ZNF423: variants seen among roughly 807,000 people sequenced by gnomAD.
ZNF423 encodes Ebf-associated zinc finger protein.
A neutral mutation model predicts 95.8 loss-of-function variants in ZNF423; 12 were observed. The ratio of observed to expected loss-of-function variants is 0.13; its 90% CI spans 0.08 to 0.20. The LOEUF (loss-of-function observed/expected upper bound fraction) is 0.20, where lower values mean the gene tolerates loss of function less well. Ranked by LOEUF, ZNF423 falls within the 10% of genes least tolerant of loss-of-function variation. The probability of loss-of-function intolerance (pLI) is 1.00; values close to 1 mark genes in which losing one functional copy is unlikely to be tolerated. For missense variants in ZNF423, 1,316 were observed against 1,737.1 expected (o/e 0.76, Z 4.31); for synonymous variants, 749 against 711.9 (o/e 1.05, Z -0.83).
chr16:49,755,026 G>A lies in ZNF423; in HGVS notation c.101-24055C>T, dbSNP rs1274126111. ...GTCCGCCGGTGCGGCTATCTTCCGCGGTGGCAGCGGCACGCTCTCCCCTGC... is the reference window on the plus strand; with the variant it reads ...GTCCGCCGGTGCGGCTATCTTCCGCAGTGGCAGCGGCACGCTCTCCCCTGC... On this transcript the variant is annotated intron_variant, in intron 2 of 7. Coordinates refer to ENST00000563137, the MANE Select transcript of ZNF423 (RefSeq NM_001379286.1). Among the ~76,000 whole-genome samples the A allele has an allele frequency of 5.9e-5, 9 of 152,336 alleles. No individual in the cohort carries two copies. The East Asian group carries it at 1.4e-3, about 23-fold the overall frequency.
In ZNF423 at chr16:49,636,434, C is replaced by T; in HGVS notation, c.2742G>A (p.Leu914=). 3 of 1,613,446 alleles carry T rather than the reference C, an allele frequency of 1.9e-6. No individual in the cohort carries two copies. The highest frequency in any genetic ancestry group is 2.5e-6 in the Non-Finnish European group (3 of 1,180,038). The change falls in exon 4 of 8, where the codon CTG becomes CTA. Residue 914 remains leucine (L), a synonymous_variant. Coordinates refer to ENST00000563137, the MANE Select transcript of ZNF423 (RefSeq NM_001379286.1). This position sits in a 1 kb window ranked among gnomAD's most constrained non-coding sequence, Gnocchi z 8.6. ...TMEVLLQNHR[L]RDHNIRPGED... ...CGCCCGGCCGGATATTGTGGTCCCG[C>T]AGCCGGTGATTCTGCAGCAGCACCT...
intron 3 of ZNF423, among the ~76,000 whole-genome samples, chr16:49,729,816 T>C (rs1214635617): frequency 6.6e-6 from 1 of 152,090 alleles, no homozygotes; most frequent in East Asian, 1.9e-4. Context: ...TCCAAGATGA[T>C]ATGAGGAGTA....
At chr16:49,712,092 G>A (rs923673546) in intron 3 of ZNF423, among the ~76,000 whole-genome samples, 1 of 152,194 alleles carries the variant, frequency 6.6e-6, no homozygotes, top group African/African-American at 2.4e-5. Context: ...ACTCCAGCCT[G>A]GGCAACAGAG....
chr16:49,538,030 T>A (rs535757646), intron 5 of ZNF423, among the ~76,000 whole-genome samples: 3 of 152,330 alleles, frequency 2.0e-5, no homozygotes, highest in Admixed American at 2.0e-4. Context: ...GCCAAGCAGG[T>A]GCCTGCAGCC....
intron 3 of ZNF423, among the ~76,000 whole-genome samples, chr16:49,688,691 A>G (rs1186243753): frequency 1.3e-5 from 2 of 152,242 alleles, no homozygotes; most frequent in Non-Finnish European, 2.9e-5. Flanking sequence ...CACATCCACA[A>G]ACAATGGAAG....
At chr16:49,824,292 G>A (rs2034981925) in intron 1 of ZNF423, among the ~76,000 whole-genome samples, 1 of 152,086 alleles carries the variant, frequency 6.6e-6, no homozygotes, top group African/African-American at 2.4e-5. Context: ...CAAAGGTAGA[G>A]ATTAGAGCCC....
chr16:49,692,561 CTG>C (rs2031824940), intron 3 of ZNF423, among the ~76,000 whole-genome samples: 2 of 152,242 alleles, frequency 1.3e-5, no homozygotes. Context: ...AGGGTGGAGA[CTG>C]AGAAGCCTGC....
chr16:49,639,860 G>C (rs1395909055), intron 3 of ZNF423, among the ~76,000 whole-genome samples: 8 of 152,170 alleles, frequency 5.3e-5, no homozygotes, highest in Non-Finnish European at 1.0e-4. Context: ...CAAACCTAAG[G>C]GTAGGCCGTT....
chr16:49,717,951 C>T (rs1347294032), intron 3 of ZNF423, among the ~76,000 whole-genome samples: 4 of 152,182 alleles, frequency 2.6e-5, no homozygotes, highest in Non-Finnish European at 4.4e-5. Context: ...CTGGACTACC[C>T]CACAGAGGGA....
intron 1 of ZNF423, among the ~76,000 whole-genome samples, chr16:49,841,037 A>G (rs545498377): frequency 5.9e-5 from 9 of 152,358 alleles, no homozygotes; most frequent in Admixed American, 2.6e-4. Flanking sequence ...TGACAGGCTA[A>G]AGCCTGAACA....
chr16:49,851,084 C>T (rs1473195088), intron 1 of ZNF423, among the ~76,000 whole-genome samples: 4 of 152,234 alleles, frequency 2.6e-5, no homozygotes, highest in Non-Finnish European at 5.9e-5. Flanking sequence ...CACTCAAAGA[C>T]AGGGAAAGCA....
At position 49,501,899 on chromosome 16, in the gene ZNF423, A is replaced by G. The variant is rs191526216; in HGVS notation, c.3850-10595T>C. 1.6e-3 allele frequency among the ~76,000 whole-genome samples: 240 copies of G among 152,218 alleles called. 2 individuals carry two copies. The highest frequency in any genetic ancestry group is 3.5e-4 in the Non-Finnish European group (24 of 68,020). On this transcript the variant is annotated intron_variant, in intron 7 of 7. Coordinates refer to ENST00000563137, the MANE Select transcript of ZNF423 (RefSeq NM_001379286.1). ...AAAAGAGCTGGGAGGGAGGGAGGGG[A>G]CAAGGGTTGAAAAACAACCTATGAG...
At chr16:49,590,490 A>G (rs1970980660) in intron 5 of ZNF423, among the ~76,000 whole-genome samples, 1 of 152,140 alleles carries the variant, frequency 6.6e-6, no homozygotes, top group Non-Finnish European at 1.5e-5. Context: ...GCTCACCCCA[A>G]TTAAAAGCAG....
At chr16:49,494,476 C>A (rs1967084461) in intron 7 of ZNF423, among the ~76,000 whole-genome samples, 1 of 152,232 alleles carries the variant, frequency 6.6e-6, no homozygotes, top group African/African-American at 2.4e-5. Context: ...GAGGGGAAGA[C>A]ACCAGCTGGG....
intron 2 of ZNF423, among the ~76,000 whole-genome samples, chr16:49,768,106 C>A (rs192530741): frequency 1.7e-3 from 263 of 152,356 alleles, no homozygotes; most frequent in Non-Finnish European, 3.1e-3. Context: ...CGCAGGCTGG[C>A]TCTGGGCTGC....
intron 5 of ZNF423, among the ~76,000 whole-genome samples, chr16:49,567,936 G>C (rs896840922): frequency 6.6e-6 from 1 of 152,150 alleles, no homozygotes; most frequent in African/African-American, 2.4e-5. Flanking sequence ...ATTCCCGCCA[G>C]CATCCATTCT....
At chr16:49,820,459 CT>C (rs1434661182) in intron 1 of ZNF423, among the ~76,000 whole-genome samples, 1 of 152,224 alleles carries the variant, frequency 6.6e-6, no homozygotes, top group African/African-American at 2.4e-5. Context: ...ACTTTAATAG[CT>C]CCAGTTCTGA....
chr16:49,538,423 C>T (rs1014615743), intron 5 of ZNF423, among the ~76,000 whole-genome samples: 5 of 152,216 alleles, frequency 3.3e-5, no homozygotes, highest in African/African-American at 1.2e-4. Context: ...CCTGGCAATT[C>T]ACCCTTTGCT....
At position 49,637,582 on chromosome 16, in the gene ZNF423, T is replaced by A; in HGVS notation, c.1594A>T (p.Met532Leu). 2 of 1,613,980 alleles carry A rather than the reference T, an allele frequency of 1.2e-6. No homozygotes were observed. Among genetic ancestry groups the A allele is most frequent in the Non-Finnish European group, 1.7e-6 (2 of 1,180,016 alleles). Residue 532 changes from methionine to leucine, a missense_variant, in exon 4 of 8, where the codon ATG (methionine) becomes TTG (leucine). Physicochemically the swap from Met to Leu is conservative, Grantham distance 15 (BLOSUM62 2). Transcript: ENST00000563137. This position sits in a 1 kb window ranked among gnomAD's most constrained non-coding sequence, Gnocchi z 5.6. ...NNAFFCNQCS[M>L]GFLTESSLTE... ...AGGGAGGACTCAGTAAGGAAACCCA[T>A]GGAGCACTGGTTGCAGAAGAAAGCA...
Sources: gnomAD v4.1 joint callset for allele counts (sites outside exome capture counted in the v4.1 genomes callset) on GRCh38, gnomAD v4.1.1 for gene constraint, Gnocchi (gnomAD v3.1) non-coding constraint, MANE v1.5 for transcripts, NCBI Gene and HGNC (gene_info 2026-07-23, HGNC 2026-07-21) for gene names.